SLC26A7: variants seen among roughly 807,000 people sequenced by gnomAD.
SLC26A7 encodes the protein solute carrier family 26 member 7.
SLC26A7 carries 59 observed loss-of-function variants against 82.5 expected under a neutral mutation model. The observed-to-expected ratio is 0.72, with a 90% CI of 0.58 to 0.89. The LOEUF is 0.89. Ranked by LOEUF, SLC26A7 falls within the 40% of genes least tolerant of loss-of-function variation. The probability of loss-of-function intolerance (pLI) is 0.00; values close to 1 mark genes in which losing one functional copy is unlikely to be tolerated. For synonymous variants in SLC26A7, 271 were observed against 274.3 expected (o/e 0.99, Z 0.12); for missense variants, 820 against 793.0 (o/e 1.03, Z -0.41).
chr8:91,235,756 A>G (rs1382752907), intron 2 of SLC26A7, among the ~76,000 whole-genome samples: 1 of 152,196 alleles, frequency 6.6e-6, no homozygotes, highest in African/African-American at 2.4e-5. Flanking sequence ...CTTGAGCCAT[A>G]TCTGAGTTGA....
intron 9 of SLC26A7, chr8:91,348,261 T>G (rs1272054539): frequency 1.1e-6 from 1 of 887,936 alleles, no homozygotes; most frequent in South Asian, 5.1e-5. Context: ...CTTTCTGCCC[T>G]TTCCCATCTC....
At chr8:91,246,876 A>G (rs1810552216), upstream of SLC26A7, among the ~76,000 whole-genome samples, 1 of 152,174 alleles carries the variant, frequency 6.6e-6, no homozygotes, top group Admixed American at 6.5e-5. Flanking sequence ...ACTGTTATTT[A>G]TCACATTCTG....
chr8:91,318,816 G>C (rs117386450), intron 5 of SLC26A7, among the ~76,000 whole-genome samples: 33 of 152,226 alleles, frequency 2.2e-4, no homozygotes, highest in Admixed American at 2.1e-3. Context: ...CAGACAATCA[G>C]CTATTAAAAA....
rs760438380 is a variant in SLC26A7, at chr8:91,351,904, T to A, written c.1218+17T>A. 6.4e-7 allele frequency: 1 copy of A among 1,553,452 alleles called. No individual in the cohort carries two copies. The highest frequency in any genetic ancestry group is 1.1e-5 in the South Asian group (1 of 89,048). On this transcript the variant is annotated intron_variant, in intron 10 of 18. Transcript: ENST00000276609. Reference sequence around the variant, plus strand: ...CTGCCCATGGTACGGTAGTGCTTTTTCACTATCTACTTTTTAATTTAACTT... The same window carrying A: ...CTGCCCATGGTACGGTAGTGCTTTTACACTATCTACTTTTTAATTTAACTT...
chr8:91,334,341 C>T lies in SLC26A7; in HGVS notation c.689C>T (p.Ala230Val), dbSNP rs779525267. The change falls in exon 6 of 19, where the codon GCA becomes GTA. Residue 230 changes from alanine to valine, a missense_variant. Transcript: ENST00000276609. ...FENIKSVRLE[A>V]LLLSLLSIVV... ...AACATCAAGTCTGTGCGACTGGAAG[C>T]ATTGCTTTTATCCTTGCTGAGCATT... 6.2e-7 allele frequency: 1 copy of T among 1,613,198 alleles called. No homozygotes were observed. Among genetic ancestry groups the T allele is most frequent in the Non-Finnish European group, 8.5e-7 (1 of 1,179,422 alleles).
chr8:91,268,960 A>G (rs564917587), intron 2 of SLC26A7, among the ~76,000 whole-genome samples: 47 of 152,078 alleles, frequency 3.1e-4, no homozygotes, highest in East Asian at 3.9e-4. Context: ...AAAACTAACA[A>G]AAACAAACTT....
intron 5 of SLC26A7, among the ~76,000 whole-genome samples, chr8:91,328,777 A>T (rs952326516): frequency 1.3e-5 from 2 of 151,998 alleles, no homozygotes; most frequent in African/African-American, 4.8e-5. Flanking sequence ...TGTGTGTGTA[A>T]ATGTCTGTGA....
chr8:91,310,347 T>G (rs1360611751), intron 4 of SLC26A7, among the ~76,000 whole-genome samples: 2 of 152,220 alleles, frequency 1.3e-5, no homozygotes, highest in Non-Finnish European at 2.9e-5. Flanking sequence ...CTCCATTGGT[T>G]GGTAAAAGTG....
At chr8:91,242,279 A>G (rs1810485280) in intron 2 of SLC26A7, among the ~76,000 whole-genome samples, 1 of 152,188 alleles carries the variant, frequency 6.6e-6, no homozygotes, top group Non-Finnish European at 1.5e-5. Context: ...TGAGCTCTCC[A>G]TATCTTTTTG....
chr8:91,294,227 TTAAC>T (rs1811953593), intron 3 of SLC26A7, among the ~76,000 whole-genome samples: 1 of 152,234 alleles, frequency 6.6e-6, no homozygotes, highest in South Asian at 2.1e-4. Context: ...TTATCAGGTG[TTAAC>T]TACATGTCAT....
chr8:91,375,660 G>GTTTTTTTTTTTTTT (rs111393337), intron 15 of SLC26A7, among the ~76,000 whole-genome samples: 1 of 136,686 alleles, frequency 7.3e-6, no homozygotes. Flanking sequence ...CCTTTAAGTT[G>GTTTTTTTTTTTTTT]TTTTTTTTTT....
Position 91,389,293 on chromosome 8 carries a change from G to A in SLC26A7, c.1676-45G>A, listed in dbSNP as rs77757178. ...CCAGTCAACAAAGCCAGCAGCAGAA[G>A]TCTCTTAAAACTCTCCCTAACTCAA... On this transcript the variant is annotated intron_variant, in intron 15 of 18. Coordinates refer to ENST00000276609, the MANE Select transcript of SLC26A7 (RefSeq NM_052832.4). 1,449 of 1,419,862 alleles carry A rather than the reference G, an allele frequency of 1.0e-3. 17 individuals carry two copies. The African/African-American group carries it at 0.018, about 18-fold the overall frequency. The allele number at this position is 1,419,862 out of a possible 1,614,324, so 88.0% of individuals were successfully genotyped here. A position where few individuals can be genotyped will look rare whatever the true frequency, so the allele number is the denominator to read the frequency against.
At chr8:91,244,430 G>T (rs1810516650), upstream of SLC26A7, among the ~76,000 whole-genome samples, 1 of 141,452 alleles carries the variant, frequency 7.1e-6, no homozygotes, top group Non-Finnish European at 1.5e-5. Context: ...CTTTGAAAAT[G>T]TCTTATATTA....
At chr8:91,262,588 G>A (rs930817938) in intron 2 of SLC26A7, among the ~76,000 whole-genome samples, 2 of 151,896 alleles carry the variant, frequency 1.3e-5, no homozygotes, top group African/African-American at 2.4e-5. Flanking sequence ...CCCCGTCCTC[G>A]CATTAGAATA....
chr8:91,233,356 CA>C (rs1272509128), intron 2 of SLC26A7, among the ~76,000 whole-genome samples: 17 of 152,156 alleles, frequency 1.1e-4, no homozygotes, highest in Non-Finnish European at 2.2e-4. Flanking sequence ...CACCTGAGGT[CA>C]GGAGTTCGAG....
intron 14 of SLC26A7, 25 bp from the exon 15 acceptor site, chr8:91,369,759 CT>C (rs753469963): frequency 1.4e-5 from 21 of 1,505,060 alleles, no homozygotes; most frequent in Non-Finnish European, 1.9e-5. Flanking sequence ...TAACATTTTT[CT>C]TCTTTATGTT....
At chr8:91,285,318 T>C (rs1426157757) in intron 2 of SLC26A7, among the ~76,000 whole-genome samples, 1 of 144,672 alleles carries the variant, frequency 6.9e-6, no homozygotes, top group African/African-American at 2.5e-5. Context: ...CTTCATCACA[T>C]GTGTTTTCAC....
At chr8:91,235,827 T>C (rs1486252926) in intron 2 of SLC26A7, among the ~76,000 whole-genome samples, 1 of 152,184 alleles carries the variant, frequency 6.6e-6, no homozygotes, top group Non-Finnish European at 1.5e-5. Context: ...CATTAGGCCA[T>C]GGGACTCTAG....
chr8:91,387,791 A>C (rs1204993987), intron 15 of SLC26A7, among the ~76,000 whole-genome samples: 1 of 152,220 alleles, frequency 6.6e-6, no homozygotes, highest in Admixed American at 6.5e-5. Flanking sequence ...AAGTATTATA[A>C]GCTCCTAAAG....
Sources: allele counts gnomAD v4.1 joint callset (sites outside exome capture counted in the v4.1 genomes callset), GRCh38; gene constraint gnomAD v4.1.1; transcripts MANE v1.5; gene names NCBI Gene and HGNC (gene_info 2026-07-23, HGNC 2026-07-21).